WASF3: variants seen among roughly 807,000 people sequenced by gnomAD.
The protein encoded by WASF3 is actin-binding protein WASF3.
A neutral mutation model predicts 46.6 loss-of-function variants in WASF3; 11 were observed. The observed-to-expected ratio is 0.24, with a 90% CI of 0.15 to 0.39. WASF3 has a LOEUF of 0.39. WASF3 is among the 10% of genes least tolerant of loss of function. WASF3 has a pLI of 1.00. For synonymous variants in WASF3, 242 were observed against 259.7 expected, an observed-to-expected ratio of 0.93 and a Z score of 0.65; for missense variants, 576 against 669.8, an observed-to-expected ratio of 0.86 and a Z score of 1.55.
chr13:26,680,116 A>G (rs1284498983), intron 7 of WASF3: 1 of 1,598,230 alleles, frequency 6.3e-7, no homozygotes, highest in Admixed American at 1.7e-5. Context: ...AGAGTGGGAG[A>G]GAAGGAAAAT....
intron 1 of WASF3, among the ~76,000 whole-genome samples, chr13:26,599,332 G>A (rs1880577992): frequency 1.3e-5 from 2 of 152,044 alleles, no homozygotes; most frequent in South Asian, 4.2e-4. Context: ...ACAGGTGCCT[G>A]CCACCAAGCC....
At chr13:26,591,213 C>T (rs905543485) in intron 1 of WASF3, among the ~76,000 whole-genome samples, 1 of 151,782 alleles carries the variant, frequency 6.6e-6, no homozygotes, top group Admixed American at 6.6e-5. Flanking sequence ...TCATGTGGCT[C>T]TCTTAGGTCA....
the WASF3 span, among the ~76,000 whole-genome samples, chr13:26,548,095 T>C: frequency 1.3e-5 from 2 of 152,202 alleles, no homozygotes; most frequent in Non-Finnish European, 2.9e-5. Context: ...AGAGTTCTGG[T>C]TTTCGGATTC....
chr13:26,617,012 G>A (rs1269779482), intron 2 of WASF3, among the ~76,000 whole-genome samples: 1 of 152,290 alleles, frequency 6.6e-6, no homozygotes, highest in Non-Finnish European at 1.5e-5. Context: ...TGTGCTTACT[G>A]TGTGATTGTA....
chr13:26,612,722 C>G (rs1881015623), intron 1 of WASF3, among the ~76,000 whole-genome samples: 1 of 152,088 alleles, frequency 6.6e-6, no homozygotes. Context: ...TGCCCTTCAG[C>G]TATTATTTAC....
chr13:26,571,230 AT>A (rs1184010274), intron 1 of WASF3, among the ~76,000 whole-genome samples: 2 of 151,278 alleles, frequency 1.3e-5, no homozygotes, highest in Non-Finnish European at 3.0e-5. Context: ...GACTTTTCTG[AT>A]TTTTTTCCCC....
At chr13:26,577,623 G>A in intron 1 of WASF3, 7 of 1,202,856 alleles carry the variant, frequency 5.8e-6, no homozygotes, top group Non-Finnish European at 8.5e-6. Context: ...AGCAAGACAG[G>A]TGCTAAAGTT....
At chr13:26,644,917 C>T (rs958605851) in intron 3 of WASF3, among the ~76,000 whole-genome samples, 1 of 152,134 alleles carries the variant, frequency 6.6e-6, no homozygotes. Flanking sequence ...ATGGCTTTCC[C>T]CTCCCATTTG....
At position 26,674,572 on chromosome 13, in the gene WASF3, T is replaced by G. The variant is rs1246371358; in HGVS notation, c.541-1977T>G. The stretch of plus-strand genomic sequence containing the variant: ...TTTGCATAAACATTTTACGAAGTAT[T>G]TGTGTATACATAGTTGTACTACATA... On this transcript the variant is annotated intron_variant, in intron 6 of 9. Transcript: ENST00000335327. Among the ~76,000 whole-genome samples, 3 of 152,260 alleles carry G rather than the reference T, an allele frequency of 2.0e-5. No homozygotes were observed. The East Asian group carries it at 5.8e-4, about 29-fold the overall frequency.
chr13:26,558,271 C>T (rs1474585306), intron 1 of WASF3, among the ~76,000 whole-genome samples: 2 of 152,148 alleles, frequency 1.3e-5, no homozygotes, highest in Non-Finnish European at 2.9e-5. Context: ...CTCGCTGGTT[C>T]TGGTCCAGCT....
At chr13:26,669,859 G>A (rs2137478204) in intron 5 of WASF3, among the ~76,000 whole-genome samples, 1 of 152,278 alleles carries the variant, frequency 6.6e-6, no homozygotes, top group Middle Eastern at 3.4e-3. Flanking sequence ...GGAAACAACA[G>A]ATGCTGGAGA....
At chr13:26,638,390 G>A (rs912804363) in intron 2 of WASF3, 8 of 152,178 alleles carry the variant, frequency 5.3e-5, no homozygotes, top group African/African-American at 1.9e-4. Flanking sequence ...TCCCAGAAAA[G>A]CTGGACAAAC....
intron 1 of WASF3, among the ~76,000 whole-genome samples, chr13:26,559,825 TTTTTTTTTTG>T (rs1879236871): frequency 4.6e-5 from 6 of 131,224 alleles, no homozygotes; most frequent in South Asian, 5.4e-4. Flanking sequence ...TTTTTTTTTT[TTTTTTTTTTG>T]AGACGGAGTC....
intron 1 of WASF3, among the ~76,000 whole-genome samples, chr13:26,592,334 TG>T (rs1880328478): frequency 6.6e-6 from 1 of 152,212 alleles, no homozygotes; most frequent in South Asian, 2.1e-4. Context: ...ATGAATTTTA[TG>T]GTAATTTTAC....
intron 1 of WASF3, among the ~76,000 whole-genome samples, chr13:26,565,214 A>G (rs1879427615): frequency 6.6e-6 from 1 of 151,462 alleles, no homozygotes; most frequent in Admixed American, 6.6e-5. Flanking sequence ...TAATGTTTAT[A>G]GAAGGGCTCA....
chr13:26,603,701 A>G (rs1880708391), intron 1 of WASF3, among the ~76,000 whole-genome samples: 1 of 151,948 alleles, frequency 6.6e-6, no homozygotes, highest in Non-Finnish European at 1.5e-5. Flanking sequence ...AAAAAGGGAA[A>G]CCTCTTTTAT....
chr13:26,633,768 A>C (rs187299777), intron 2 of WASF3, among the ~76,000 whole-genome samples: 40 of 152,296 alleles, frequency 2.6e-4, no homozygotes, highest in African/African-American at 7.9e-4. Flanking sequence ...ATTCAGGAGC[A>C]GGTTGTTCAG....
At chr13:26,600,145 A>C (rs1447293084) in intron 1 of WASF3, among the ~76,000 whole-genome samples, 2 of 152,200 alleles carry the variant, frequency 1.3e-5, no homozygotes, top group Non-Finnish European at 2.9e-5. Context: ...ATTTACCTTT[A>C]ATGGTAGAGT....
At chr13:26,595,525 GGT>G (rs953615272) in intron 1 of WASF3, among the ~76,000 whole-genome samples, 25 of 151,754 alleles carry the variant, frequency 1.6e-4, no homozygotes, top group African/African-American at 5.3e-4. Flanking sequence ...TTAAACTGCA[GGT>G]GTGTGTGTGT....
Sources: allele counts gnomAD v4.1 joint callset (sites outside exome capture counted in the v4.1 genomes callset), GRCh38; gene constraint gnomAD v4.1.1; transcripts MANE v1.5; gene names NCBI Gene and HGNC (gene_info 2026-07-23, HGNC 2026-07-21).